IFT81: variants seen among roughly 807,000 people sequenced by gnomAD.
IFT81 encodes intraflagellar transport 81, also known as intraflagellar transport protein 81 homolog.
IFT81 carries 72 observed loss-of-function variants against 102.6 expected under a neutral mutation model. The ratio of observed to expected loss-of-function variants is 0.70; its 90% CI spans 0.58 to 0.85. The LOEUF (loss-of-function observed/expected upper bound fraction) is 0.85. Ranked by LOEUF, IFT81 falls within the 40% of genes least tolerant of loss-of-function variation. IFT81 has a pLI of 0.00. For synonymous variants in IFT81, 237 were observed against 242.7 expected (o/e 0.98, Z 0.22); for missense variants, 723 against 787.3 (o/e 0.92, Z 0.98).
chr12:110,155,946 C>T (rs140321899), intron 10 of IFT81, among the ~76,000 whole-genome samples: 5 of 152,310 alleles, frequency 3.3e-5, no homozygotes, highest in Admixed American at 6.5e-5. Context: ...AAAAACTCTG[C>T]TCCATTACAG....
intron 8 of IFT81, 35 bp from the exon 9 acceptor site, chr12:110,143,347 T>G: frequency 8.5e-7 from 1 of 1,180,436 alleles, no homozygotes; most frequent in Non-Finnish European, 1.1e-6. Flanking sequence ...TACCTACTCT[T>G]TTGGGCTGAA....
intron 12 of IFT81, among the ~76,000 whole-genome samples, chr12:110,184,466 A>C (rs1018331645): frequency 6.6e-6 from 1 of 152,172 alleles, no homozygotes. Flanking sequence ...TATAGTTACT[A>C]TTTCTCCTCA....
intron 12 of IFT81, among the ~76,000 whole-genome samples, chr12:110,187,298 C>G (rs1048587126): frequency 3.3e-5 from 5 of 152,162 alleles, no homozygotes; most frequent in Non-Finnish European, 2.9e-5. Context: ...GAGTCTCACT[C>G]TGTCACCCAG....
intron 17 of IFT81, among the ~76,000 whole-genome samples, chr12:110,208,090 A>G (rs1868916267): frequency 6.6e-6 from 1 of 152,158 alleles, no homozygotes; most frequent in Non-Finnish European, 1.5e-5. Flanking sequence ...ACATTAAGCC[A>G]TATTCTTTTC....
chr12:110,159,588 G>A (rs748049787), intron 10 of IFT81, among the ~76,000 whole-genome samples: 1 of 152,134 alleles, frequency 6.6e-6, no homozygotes, highest in Non-Finnish European at 1.5e-5. Context: ...CAAAAGGGGA[G>A]AATGAGAAAA....
chr12:110,193,250 T>A (rs1237731439), intron 14 of IFT81, among the ~76,000 whole-genome samples: 2 of 152,070 alleles, frequency 1.3e-5, no homozygotes, highest in Non-Finnish European at 2.9e-5. Context: ...GCAGAGGAGA[T>A]GGAGAAAAAG....
chr12:110,187,831 G>A (rs1406524765), intron 12 of IFT81, among the ~76,000 whole-genome samples: 13 of 152,068 alleles, frequency 8.5e-5, no homozygotes, highest in Admixed American at 8.5e-4. Context: ...TCTCGTACCT[G>A]TGGTAGAGAC....
At chr12:110,212,766 G>A (rs1869623012) in intron 18 of IFT81, among the ~76,000 whole-genome samples, 1 of 151,856 alleles carries the variant, frequency 6.6e-6, no homozygotes, top group Non-Finnish European at 1.5e-5. Flanking sequence ...GAACCCAGGA[G>A]GTGGAGGTTG....
At position 110,190,992 on chromosome 12, in the gene IFT81, CTGAAGAG is replaced by C; in HGVS notation, c.1417_1423del (p.Ser473LeufsTer4). On this transcript the variant is annotated frameshift_variant, in exon 13 of 19. Transcript: ENST00000242591. LOFTEE classifies it high-confidence loss of function. ...AGAAGAGCTAGAAAGAGTATCTGCA[CTGAAGAG>C]TGAAGTTGATGAAATGAAAGGACGA... is the stretch of plus-strand genomic sequence containing the variant. The C allele has an allele frequency of 1.2e-6, 2 of 1,609,996 alleles. No individual in the cohort carries two copies. The highest frequency in any genetic ancestry group is 1.7e-6 in the Non-Finnish European group (2 of 1,178,200).
At position 110,218,151 on chromosome 12, in the gene IFT81, C is replaced by T; in HGVS notation, c.1956C>T (p.Cys652=). Residue 652 remains cysteine (C), a synonymous_variant, in exon 19 of 19, where the codon TGC becomes TGT. Transcript: ENST00000242591. The stretch of plus-strand genomic sequence containing the variant: ...AATTAATGGAATGTAAGAAACAGTG[C>T]TTTCTGAAACAACAAAGCCAAACTT... ...LEQLMECKKQ[C]FLKQQSQTSI... 6.3e-7 allele frequency: 1 copy of T among 1,588,792 alleles called. No individual in the cohort carries two copies. Among genetic ancestry groups the T allele is most frequent in the Non-Finnish European group, 8.5e-7 (1 of 1,172,956 alleles).
At chr12:110,132,768 G>T (rs988568308) in intron 5 of IFT81, 132 bp downstream of exon 5, 7 of 516,164 alleles carry the variant, frequency 1.4e-5, no homozygotes, top group South Asian at 4.2e-5. Flanking sequence ...TTTACTTTGT[G>T]GGGGGACCTT....
At chr12:110,155,796 A>G (rs979782492) in intron 10 of IFT81, among the ~76,000 whole-genome samples, 19 of 151,950 alleles carry the variant, frequency 1.3e-4, no homozygotes, top group African/African-American at 4.3e-4. Flanking sequence ...TGATTTTTTT[A>G]TGGTGAAATG....
At position 110,127,415 on chromosome 12, in the gene IFT81, T is replaced by C; in HGVS notation, c.35T>C (p.Leu12Pro). The C allele has an allele frequency of 6.2e-7, 1 of 1,603,344 alleles. No homozygotes were observed. The highest frequency in any genetic ancestry group is 8.5e-7 in the Non-Finnish European group (1 of 1,175,482). The change falls in exon 2 of 19, where the codon CTC becomes CCC. Residue 12 changes from leucine to proline, a missense_variant. Transcript: ENST00000242591. Reference sequence around the variant, plus strand: ...CAAATTAAATTCATTATGGACAGTCTCAATAAGGAGCCCTTTAGGAAGAAC... The same window carrying C: ...CAAATTAAATTCATTATGGACAGTCCCAATAAGGAGCCCTTTAGGAAGAAC... ...SDQIKFIMDS[L>P]NKEPFRKNYN...
chr12:110,189,175 TGGG>T (rs1355918145), intron 12 of IFT81, among the ~76,000 whole-genome samples: 1 of 152,066 alleles, frequency 6.6e-6, no homozygotes, highest in Non-Finnish European at 1.5e-5. Flanking sequence ...GTTTAAATGT[TGGG>T]GTTCCCTAGG....
chr12:110,203,662 C>T, intron 14 of IFT81: 1 of 581,658 alleles, frequency 1.7e-6, no homozygotes, highest in Non-Finnish European at 3.1e-6. Flanking sequence ...TGGCACACAG[C>T]TCAATACATG....
At chr12:110,216,497 C>G (rs1356000180) in intron 18 of IFT81, 1 of 451,844 alleles carries the variant, frequency 2.2e-6, no homozygotes, top group Non-Finnish European at 4.4e-6. Flanking sequence ...GCCCAGCCCC[C>G]AGCCTCCTAT....
chr12:110,209,523 C>A (rs1015585280), intron 18 of IFT81, among the ~76,000 whole-genome samples: 3 of 152,112 alleles, frequency 2.0e-5, no homozygotes, highest in African/African-American at 7.2e-5. Flanking sequence ...AATCCCAGCA[C>A]TTTGGAAGGC....
intron 14 of IFT81, among the ~76,000 whole-genome samples, chr12:110,194,724 T>C (rs1191505582): frequency 3.3e-5 from 5 of 152,230 alleles, no homozygotes; most frequent in Middle Eastern, 6.3e-3. Flanking sequence ...ATAAAAATTA[T>C]TTCTTTCAGC....
chr12:110,196,201 G>T (rs905066242), intron 14 of IFT81, among the ~76,000 whole-genome samples: 1 of 152,138 alleles, frequency 6.6e-6, no homozygotes, highest in Admixed American at 6.6e-5. Flanking sequence ...GGCAAATTTT[G>T]TTATGTGTAT....
Sources: gnomAD v4.1 joint callset for allele counts (sites outside exome capture counted in the v4.1 genomes callset) on GRCh38, gnomAD v4.1.1 for gene constraint, MANE v1.5 for transcripts, NCBI Gene and HGNC (gene_info 2026-07-23, HGNC 2026-07-21) for gene names.